The following UTRN variants were observed in gnomAD, a reference collection of about 807,000 sequenced individuals.
UTRN encodes utrophin.
In UTRN, 283 loss-of-function variants were observed where a neutral mutation model predicts 463.9. The ratio of observed to expected loss-of-function variants is 0.61; its 90% CI spans 0.55 to 0.67. The LOEUF is 0.67. Ranked by LOEUF, UTRN falls within the 30% of genes least tolerant of loss-of-function variation. The pLI, the probability that UTRN is intolerant of heterozygous loss-of-function variation, is 0.00. For missense variants in UTRN, 3,922 were observed against 4,084.3 expected, an observed-to-expected ratio of 0.96 and a Z score of 1.08; for synonymous variants, 1,442 against 1,431.5, an observed-to-expected ratio of 1.01 and a Z score of -0.17.
chr6:144,613,759 A>C (rs918492820), intron 51 of UTRN, among the ~76,000 whole-genome samples: 1 of 152,038 alleles, frequency 6.6e-6, no homozygotes, highest in African/African-American at 2.4e-5. Flanking sequence ...TTTTAAATTA[A>C]TTATACTTCA....
chr6:144,565,107 G>A (rs1800286354), intron 50 of UTRN, among the ~76,000 whole-genome samples: 1 of 152,146 alleles, frequency 6.6e-6, no homozygotes, highest in African/African-American at 2.4e-5. Context: ...GAAATAAGAT[G>A]TTAGATTTGC....
intron 51 of UTRN, among the ~76,000 whole-genome samples, chr6:144,665,623 G>A (rs571884015): frequency 1.3e-4 from 20 of 152,294 alleles, no homozygotes; most frequent in Middle Eastern, 3.4e-3. Flanking sequence ...ATGTTTTCCC[G>A]TATTTGTGAA....
intron 46 of UTRN, among the ~76,000 whole-genome samples, chr6:144,543,620 TCTC>T (rs1429342100): frequency 7.9e-5 from 12 of 152,088 alleles, no homozygotes; most frequent in Admixed American, 3.3e-4. Flanking sequence ...CCCTTGTCCT[TCTC>T]CTCCTCCTTG....
Position 144,539,388 on chromosome 6 carries a change from C to G in UTRN, c.6464C>G (p.Pro2155Arg), listed in dbSNP as rs2128605885. The change falls in exon 45 of 75, where the codon CCT becomes CGT. Residue 2155 changes from proline (P) to arginine (R), a missense_variant. Coordinates refer to ENST00000367545, the MANE Select transcript of UTRN (RefSeq NM_007124.3). ...EMLSDKSLSL[P>R]ERDKISESLR... ...CTTTCAGATAAAAGTCTGAGTTTAC[C>G]TGAAAGGGATAAAATTTCAGAAAGC... 1 of 1,613,104 alleles carries G rather than the reference C, an allele frequency of 6.2e-7. No individual in the cohort carries two copies. The highest frequency in any genetic ancestry group is 1.1e-5 in the South Asian group (1 of 90,970).
chr6:144,804,392 C>A (rs530013423), intron 65 of UTRN, among the ~76,000 whole-genome samples: 1 of 152,280 alleles, frequency 6.6e-6, no homozygotes, highest in South Asian at 2.1e-4. Context: ...CTTATTCACT[C>A]AACAAATTAA....
At chr6:144,329,502 A>G (rs1776196086) in intron 2 of UTRN, among the ~76,000 whole-genome samples, 2 of 152,182 alleles carry the variant, frequency 1.3e-5, no homozygotes, top group Non-Finnish European at 2.9e-5. Context: ...TTCAGTAAGA[A>G]CTTCTAGCAT....
At chr6:144,377,223 G>A (rs1293423173) in intron 2 of UTRN, among the ~76,000 whole-genome samples, 1 of 152,008 alleles carries the variant, frequency 6.6e-6, no homozygotes, top group Non-Finnish European at 1.5e-5. Context: ...TTTCAATAGA[G>A]AAAGGGTTTC....
chr6:144,786,527 A>T (rs1183399458), intron 61 of UTRN, among the ~76,000 whole-genome samples: 1 of 151,860 alleles, frequency 6.6e-6, no homozygotes, highest in Non-Finnish European at 1.5e-5. Flanking sequence ...CTCGTGATCC[A>T]CCTGCCTCAG....
chr6:144,800,754 G>C (rs1322288190), intron 64 of UTRN, among the ~76,000 whole-genome samples: 1 of 150,704 alleles, frequency 6.6e-6, no homozygotes, highest in Non-Finnish European at 1.5e-5. Context: ...AACATCATTA[G>C]TGTGATAGTA....
rs13208176 is a variant in UTRN, at chr6:144,433,919, C to G, written c.856-2016C>G. Among the ~76,000 whole-genome samples the G allele has an allele frequency of 5.1e-3, 782 of 152,276 alleles. 3 individuals carry two copies. Among genetic ancestry groups the G allele is most frequent in the Non-Finnish European group, 7.7e-3 (524 of 68,022 alleles). On this transcript the variant is annotated intron_variant, in intron 9 of 74. Coordinates refer to ENST00000367545, the MANE Select transcript of UTRN (RefSeq NM_007124.3). ...GACGATGGGCGGCCAGGCAGAGACG[C>G]TCCTCACTTCCCAGACGGGGTGGCA...
chr6:144,648,123 A>G (rs963979818), intron 51 of UTRN, among the ~76,000 whole-genome samples: 3 of 152,214 alleles, frequency 2.0e-5, no homozygotes, highest in African/African-American at 7.2e-5. Flanking sequence ...AAGGTCAGAC[A>G]GTGAGTTGAC....
At chr6:144,470,711 CGCCACTGCACTCCAGCCTGG>C (rs920786589) in intron 23 of UTRN, among the ~76,000 whole-genome samples, 1 of 151,942 alleles carries the variant, frequency 6.6e-6, no homozygotes, top group Non-Finnish European at 1.5e-5. Context: ...GCCGAGATCA[CGCCACTGCACTCCAGCCTGG>C]GCAACATTGA....
rs537792952 is a variant in UTRN at position 144,841,955 on chromosome 6, C to G, written c.10270+1123C>G. 3.3e-5 allele frequency among the ~76,000 whole-genome samples: 5 copies of G among 151,788 alleles called. No individual in the cohort carries two copies. The South Asian group carries it at 6.2e-4, about 19-fold the overall frequency. On this transcript the variant is annotated intron_variant, in intron 73 of 74. Coordinates refer to ENST00000367545, the MANE Select transcript of UTRN (RefSeq NM_007124.3). The stretch of plus-strand genomic sequence containing the variant: ...TGAAACCCTGTCGCTACTAAAAATA[C>G]AAAAAGTAGCCGGGCATGGTGGCAT...
intron 34 of UTRN, among the ~76,000 whole-genome samples, chr6:144,509,725 AAAT>A (rs1194027914): frequency 6.6e-6 from 1 of 152,154 alleles, no homozygotes; most frequent in Non-Finnish European, 1.5e-5. Context: ...AAGCTTAAAT[AAAT>A]AATATTTTCA....
intron 51 of UTRN, among the ~76,000 whole-genome samples, chr6:144,616,876 G>A (rs1043525726): frequency 3.9e-5 from 6 of 152,110 alleles, no homozygotes; most frequent in East Asian, 1.9e-4. Context: ...CAGCCAGCCC[G>A]CCATAGCGTT....
At chr6:144,402,184 G>A (rs1233439511) in intron 2 of UTRN, among the ~76,000 whole-genome samples, 1 of 152,094 alleles carries the variant, frequency 6.6e-6, no homozygotes, top group East Asian at 1.9e-4. Flanking sequence ...TTATAACAAC[G>A]AGCTGAACAC....
chr6:144,713,746 C>A (rs535302632), intron 53 of UTRN, among the ~76,000 whole-genome samples: 1 of 151,416 alleles, frequency 6.6e-6, no homozygotes, highest in Admixed American at 6.6e-5. Context: ...CATGGAGAAA[C>A]CCCGTCTCTA....
chr6:144,727,600 T>A (rs1788020646), intron 53 of UTRN, among the ~76,000 whole-genome samples: 1 of 151,574 alleles, frequency 6.6e-6, no homozygotes, highest in African/African-American at 2.4e-5. Context: ...CTACTAAAAA[T>A]ACAAAAAAAT....
chr6:144,537,357 C>T (rs1294638960), intron 43 of UTRN, among the ~76,000 whole-genome samples: 1 of 151,706 alleles, frequency 6.6e-6, no homozygotes, highest in East Asian at 1.9e-4. Flanking sequence ...TCTTTAGTTT[C>T]AATGTTTTTG....
Sources: gnomAD v4.1 joint callset for allele counts (sites outside exome capture counted in the v4.1 genomes callset) on GRCh38, gnomAD v4.1.1 for gene constraint, MANE v1.5 for transcripts, NCBI Gene and HGNC (gene_info 2026-07-23, HGNC 2026-07-21) for gene names.